The following ABI1 variants were observed in gnomAD, a reference collection of about 807,000 sequenced individuals.
ABI1 encodes the protein Abelson interactor 1.
Under a neutral mutation model 54.6 loss-of-function variants are expected in ABI1, and 14 were observed. The ratio of observed to expected loss-of-function variants is 0.26; its 90% confidence interval spans 0.17 to 0.40. The LOEUF is 0.40. ABI1 is among the 10% of genes least tolerant of loss of function. ABI1 has a pLI of 1.00. For missense variants in ABI1, 443 were observed against 598.3 expected (o/e 0.74, Z 2.71); for synonymous variants, 194 against 209.3 (o/e 0.93, Z 0.63).
chr10:26,833,854 C>A (rs2048848763), intron 1 of ABI1, among the ~76,000 whole-genome samples: 2 of 151,974 alleles, frequency 1.3e-5, no homozygotes, highest in Non-Finnish European at 2.9e-5. Context: ...TCTGTATGTT[C>A]AAGGATATTC....
At chr10:26,764,484 T>C (rs1324140040) in intron 7 of ABI1, among the ~76,000 whole-genome samples, 11 of 152,146 alleles carry the variant, frequency 7.2e-5, no homozygotes. Flanking sequence ...TAAAGCAACA[T>C]TAAAACTCTT....
chr10:26,803,465 A>G (rs529141426), intron 2 of ABI1, among the ~76,000 whole-genome samples: 1 of 152,332 alleles, frequency 6.6e-6, no homozygotes, highest in Admixed American at 6.5e-5. Flanking sequence ...TTTCACAAGA[A>G]TTGCAAGGCA....
intron 10 of ABI1, 33 bp downstream of exon 10, chr10:26,751,565 T>C (rs375017858): frequency 1.3e-6 from 2 of 1,587,130 alleles, no homozygotes; most frequent in Non-Finnish European, 1.7e-6. Flanking sequence ...TTAGGTTATT[T>C]TCCTTCACAT....
chr10:26,800,728 C>T (rs1196648759), intron 2 of ABI1, among the ~76,000 whole-genome samples: 2 of 152,140 alleles, frequency 1.3e-5, no homozygotes, highest in Non-Finnish European at 2.9e-5. Context: ...AGGACCTTGC[C>T]TCAAAAAGAA....
At chr10:26,754,560 C>T (rs1838038826) in intron 9 of ABI1, among the ~76,000 whole-genome samples, 1 of 152,060 alleles carries the variant, frequency 6.6e-6, no homozygotes, top group African/African-American at 2.4e-5. Context: ...CACGTAACAT[C>T]GGGTACACAA....
chr10:26,752,817 G>A (rs950567612), intron 9 of ABI1, among the ~76,000 whole-genome samples: 9 of 152,056 alleles, frequency 5.9e-5, no homozygotes, highest in South Asian at 2.1e-4. Context: ...AGAATTCAAA[G>A]CTGGAACCCA....
intron 1 of ABI1, among the ~76,000 whole-genome samples, chr10:26,823,969 A>G (rs2048149665): frequency 8.5e-6 from 1 of 117,380 alleles, no homozygotes; most frequent in South Asian, 2.8e-4. Context: ...CTAAAAATGA[A>G]AAAAAAAAAG....
chr10:26,853,753 A>G (rs11015345), intron 1 of ABI1, among the ~76,000 whole-genome samples: 38,982 of 151,786 alleles, frequency 0.26, 5,695 homozygotes, highest in South Asian at 0.44. Context: ...CATGTTAGCC[A>G]GGATGGTCTC....
chr10:26,847,225 G>A (rs2134166194), intron 1 of ABI1, among the ~76,000 whole-genome samples: 1 of 152,164 alleles, frequency 6.6e-6, no homozygotes, highest in Non-Finnish European at 1.5e-5. Context: ...TCCAACTTGG[G>A]AGCCTATACA....
chr10:26,857,799 T>C (rs1589107750), intron 1 of ABI1, among the ~76,000 whole-genome samples: 1 of 148,850 alleles, frequency 6.7e-6, no homozygotes, highest in Admixed American at 6.7e-5. Context: ...CAGTGAATGG[T>C]GTTCACACAC....
intron 2 of ABI1, among the ~76,000 whole-genome samples, chr10:26,818,631 C>CACAAAAAAAA (rs2047747247): frequency 2.7e-5 from 2 of 73,092 alleles, no homozygotes; most frequent in African/African-American, 1.1e-4. Context: ...GACCCCGTCA[C>CACAAAAAAAA]AAAAAAAAAA....
At chr10:26,795,029 A>G (rs1461929560) in intron 2 of ABI1, among the ~76,000 whole-genome samples, 1 of 152,120 alleles carries the variant, frequency 6.6e-6, no homozygotes, top group East Asian at 1.9e-4. Context: ...CTGTAATCCC[A>G]GCTACTCGGG....
chr10:26,799,485 A>C (rs1435169865), intron 2 of ABI1, among the ~76,000 whole-genome samples: 1 of 152,234 alleles, frequency 6.6e-6, no homozygotes, highest in Non-Finnish European at 1.5e-5. Flanking sequence ...GGAAATTAGA[A>C]AAAATGAGCA....
In ABI1 at chr10:26,845,567, C is replaced by T. The variant is rs561737727; in HGVS notation, c.117+15180G>A. On this transcript the variant is annotated intron_variant, in intron 1 of 10. Transcript: ENST00000376140. Reference sequence around the variant, plus strand: ...CTGAGACAGGAAAATCACTTGAACCCGGGAGGTGGAGGTTGCAGTGAACCA... The same window carrying T: ...CTGAGACAGGAAAATCACTTGAACCTGGGAGGTGGAGGTTGCAGTGAACCA... Among the ~76,000 whole-genome samples, 10 of 152,150 alleles carry T rather than the reference C, an allele frequency of 6.6e-5. No homozygotes were observed. The South Asian group carries it at 1.0e-3, about 16-fold the overall frequency.
At chr10:26,843,888 C>T (rs1419748864) in intron 1 of ABI1, among the ~76,000 whole-genome samples, 1 of 152,142 alleles carries the variant, frequency 6.6e-6, no homozygotes, top group Non-Finnish European at 1.5e-5. Flanking sequence ...TTGATTCAGA[C>T]CTATAACTCA....
chr10:26,830,972 C>T (rs1428223955), intron 1 of ABI1, among the ~76,000 whole-genome samples: 1 of 152,182 alleles, frequency 6.6e-6, no homozygotes, highest in Non-Finnish European at 1.5e-5. Flanking sequence ...TCATAGTTCA[C>T]TGCAGCCTTG....
chr10:26,754,114 T>A (rs1258718621), intron 9 of ABI1, among the ~76,000 whole-genome samples: 2 of 152,216 alleles, frequency 1.3e-5, no homozygotes, highest in African/African-American at 2.4e-5. Flanking sequence ...CATTTATTTT[T>A]AAAAATAAGA....
chr10:26,829,085 G>T (rs2048495837), intron 1 of ABI1, among the ~76,000 whole-genome samples: 1 of 152,092 alleles, frequency 6.6e-6, no homozygotes, highest in Non-Finnish European at 1.5e-5. Flanking sequence ...AATTAGCCGG[G>T]CGCAGTGGCA....
chr10:26,837,019 T>C (rs911226565), intron 1 of ABI1, among the ~76,000 whole-genome samples: 1 of 152,218 alleles, frequency 6.6e-6, no homozygotes, highest in African/African-American at 2.4e-5. Flanking sequence ...TCTAAACTAG[T>C]CCAGTAATTT....
Sources: gnomAD v4.1 joint callset for allele counts (sites outside exome capture counted in the v4.1 genomes callset) on GRCh38, gnomAD v4.1.1 for gene constraint, MANE v1.5 for transcripts, NCBI Gene and HGNC (gene_info 2026-07-23, HGNC 2026-07-21) for gene names.